Variants in FBXO16 observed in about 807,000 individuals in gnomAD.
FBXO16 encodes the protein F-box protein 16, also known as F-box only protein 16.
In FBXO16, 31 loss-of-function variants were observed where a neutral mutation model predicts 41.0. The ratio of observed to expected loss-of-function variants is 0.76; its 90% CI spans 0.57 to 1.02. The LOEUF (loss-of-function observed/expected upper bound fraction) is 1.02. Among genes scored for constraint, FBXO16 ranks in the 50% least tolerant of loss-of-function variants. FBXO16 has a pLI of 0.00. For missense variants in FBXO16, 361 were observed against 346.2 expected (o/e 1.04, Z -0.34); for synonymous variants, 133 against 117.8 (o/e 1.13, Z -0.84).
intron 4 of FBXO16, among the ~76,000 whole-genome samples, chr8:28,458,645 C>G (rs536342226): frequency 6.7e-6 from 1 of 150,094 alleles, no homozygotes; most frequent in African/African-American, 2.4e-5. Flanking sequence ...CTCCGCCTCC[C>G]GGGATCAAGC....
rs530475717 is a variant in FBXO16, at chr8:28,460,417, T to C, written c.342+3195A>G. ...GGACTCTAGGCACATGCGCTATACC[T>C]GGCTAATTTTTTTTTTTTTTTTTTT... On this transcript the variant is annotated intron_variant, in intron 4 of 8. Transcript: ENST00000380254. 4.0e-3 allele frequency among the ~76,000 whole-genome samples: 537 copies of C among 132,858 alleles called. 1 individual carries two copies. Among genetic ancestry groups the C allele is most frequent in the Non-Finnish European group, 7.0e-3 (455 of 64,740 alleles). 87.2% of individuals were successfully genotyped at this position (132,858 alleles called of 152,430 possible).
chr8:28,467,347 TG>T lies in FBXO16; in HGVS notation c.136-3530del, dbSNP rs1288129779. Among the ~76,000 whole-genome samples, 53 of 152,324 alleles carry T rather than the reference TG, an allele frequency of 3.5e-4. 1 individual carries two copies. The highest frequency in any genetic ancestry group is 1.3e-3 in the East Asian group (7 of 5,190). On this transcript the variant is annotated intron_variant, in intron 3 of 8. Transcript: ENST00000380254. ...TGGGCTTAGGAATAAGACAATTTGA[TG>T]TCTCACTCCCAATATTCTATTAGTT...
Position 28,452,396 on chromosome 8 carries a change from T to A in FBXO16, c.588A>T (p.Leu196Phe). The change falls in exon 6 of 9, where the codon TTA (leucine) becomes TTT (phenylalanine). Residue 196 changes from leucine to phenylalanine, a missense_variant. Physicochemically the swap from Leu to Phe is conservative, Grantham distance 22. Coordinates refer to ENST00000380254, the MANE Select transcript of FBXO16 (RefSeq NM_172366.4). Reference sequence around the variant, plus strand: ...AAGAGGAAGAGGACCGAAAAGCTGATAAAGGGGACTGTTTTTCCTCTGGAG... The same window carrying A: ...AAGAGGAAGAGGACCGAAAAGCTGAAAAAGGGGACTGTTTTTCCTCTGGAG... ...SNSPEEKQSP[L>F]SAFRSSSSLR... 1 of 1,614,242 alleles carries A rather than the reference T, an allele frequency of 6.2e-7. No homozygotes were observed. The highest frequency in any genetic ancestry group is 8.5e-7 in the Non-Finnish European group (1 of 1,180,038).
chr8:28,478,644 G>A (rs1332731752), intron 2 of FBXO16, among the ~76,000 whole-genome samples: 1 of 152,042 alleles, frequency 6.6e-6, no homozygotes, highest in Non-Finnish European at 1.5e-5. Flanking sequence ...CCACCATGGT[G>A]AAACTCCATT....
chr8:28,487,177 T>C (rs548081235), intron 1 of FBXO16, among the ~76,000 whole-genome samples: 2 of 152,166 alleles, frequency 1.3e-5, no homozygotes, highest in East Asian at 1.9e-4. Context: ...TGCTTGAAGA[T>C]GGGTTTTCAG....
At chr8:28,451,968 T>C (rs1031493489) in intron 6 of FBXO16, among the ~76,000 whole-genome samples, 3 of 138,328 alleles carry the variant, frequency 2.2e-5, no homozygotes, top group African/African-American at 8.4e-5. Context: ...TGGGTGAGTG[T>C]CAGAGCAAGA....
intron 2 of FBXO16, among the ~76,000 whole-genome samples, chr8:28,475,751 A>C (rs1373215249): frequency 6.6e-6 from 1 of 152,190 alleles, no homozygotes; most frequent in East Asian, 1.9e-4. Flanking sequence ...TGCTCCACAG[A>C]ACCCTCAAGT....
At chr8:28,444,503 G>A (rs142634812) in intron 7 of FBXO16, among the ~76,000 whole-genome samples, 10,047 of 138,918 alleles carry the variant, frequency 0.072, 487 homozygotes, top group South Asian at 0.13. Context: ...TTTTTGAGAC[G>A]GAGTCTTGCT....
intron 7 of FBXO16, among the ~76,000 whole-genome samples, chr8:28,433,816 G>A (rs896992132): frequency 6.6e-6 from 1 of 152,178 alleles, no homozygotes; most frequent in African/African-American, 2.4e-5. Context: ...AGAAGTGGGT[G>A]AGAATGCCAA....
rs756718099 is a variant in FBXO16 at position 28,447,312 on chromosome 8, T to C, written c.741-39A>G. The stretch of plus-strand genomic sequence containing the variant: ...AGCAGTGGGAAAATTACAAAGTATC[T>C]TTTTAAAACTCAGGTGGTTTGCATA... On this transcript the variant is annotated intron_variant, in intron 6 of 8. Transcript: ENST00000380254. The C allele has an allele frequency of 1.1e-5, 17 of 1,543,094 alleles. No individual in the cohort carries two copies. In the South Asian group the frequency reaches 1.6e-4, roughly 14 times the overall value.
intron 4 of FBXO16, among the ~76,000 whole-genome samples, chr8:28,462,890 T>C (rs529471915): frequency 1.3e-5 from 2 of 152,356 alleles, no homozygotes; most frequent in East Asian, 1.9e-4. Context: ...TATTCATGAA[T>C]GCCCTGTGCT....
chr8:28,454,356 G>A (rs1157542120), intron 5 of FBXO16, among the ~76,000 whole-genome samples: 1 of 151,526 alleles, frequency 6.6e-6, no homozygotes, highest in Non-Finnish European at 1.5e-5. Flanking sequence ...AATACTGCTG[G>A]GAATAAATAA....
chr8:28,437,598 C>T (rs551285434), intron 7 of FBXO16, among the ~76,000 whole-genome samples: 35 of 152,290 alleles, frequency 2.3e-4, no homozygotes, highest in Admixed American at 1.6e-3. Context: ...ACTGGCTAGG[C>T]GCCGTGACCC....
intron 4 of FBXO16, among the ~76,000 whole-genome samples, chr8:28,458,544 C>CTTTTT (rs34617439): frequency 1.3e-3 from 117 of 87,580 alleles, no homozygotes; most frequent in African/African-American, 3.3e-3. Context: ...TCTTCTTCTT[C>CTTTTT]TTTTTTTTTT....
rs1034995405 is a variant in FBXO16 at position 28,440,208 on chromosome 8, T to C, written c.843+6963A>G. Among the ~76,000 whole-genome samples the C allele has an allele frequency of 1.3e-5, 2 of 152,084 alleles. 1 individual carries two copies. Among genetic ancestry groups the C allele is most frequent in the South Asian group, 4.1e-4 (2 of 4,822 alleles). ...CCCTTAACCTCCTGGGCTCAAGTGA[T>C]CCTCCTACCTCAGCCTTCCAAGTGG... is the stretch of plus-strand genomic sequence containing the variant. On this transcript the variant is annotated intron_variant, in intron 7 of 8. Coordinates refer to ENST00000380254, the MANE Select transcript of FBXO16 (RefSeq NM_172366.4).
chr8:28,447,064 C>A, intron 7 of FBXO16, 107 bp downstream of exon 7: 2 of 1,029,208 alleles, frequency 1.9e-6, no homozygotes, highest in Non-Finnish European at 2.8e-6. Flanking sequence ...TAAATCACCA[C>A]TCCATGATTC....
intron 2 of FBXO16, among the ~76,000 whole-genome samples, chr8:28,482,737 ATT>A (rs11318171): frequency 5.2e-4 from 76 of 146,042 alleles, no homozygotes; most frequent in Middle Eastern, 3.5e-3. Context: ...CGCCCAGCTA[ATT>A]TTTTTTTTTT....
intron 3 of FBXO16, among the ~76,000 whole-genome samples, chr8:28,467,417 T>C (rs1230317800): frequency 1.3e-5 from 2 of 152,216 alleles, no homozygotes; most frequent in Admixed American, 1.3e-4. Context: ...TCCTCATTTA[T>C]ACATTAGAGA....
At chr8:28,464,036 T>C (rs745698675) in intron 3 of FBXO16, among the ~76,000 whole-genome samples, 1 of 152,242 alleles carries the variant, frequency 6.6e-6, no homozygotes, top group Non-Finnish European at 1.5e-5. Flanking sequence ...CAGAAGTGCA[T>C]GTGACCTCAA....
Sources: allele counts gnomAD v4.1 joint callset (sites outside exome capture counted in the v4.1 genomes callset), GRCh38; gene constraint gnomAD v4.1.1; transcripts MANE v1.5; gene names NCBI Gene and HGNC (gene_info 2026-07-23, HGNC 2026-07-21).